The following LRRC37A2 variants were observed in gnomAD, a reference collection of about 807,000 sequenced individuals.
LRRC37A2 encodes the protein leucine-rich repeat-containing protein 37A2.
Under a neutral mutation model 68.8 loss-of-function variants are expected in LRRC37A2, and 9 were observed. The ratio of observed to expected loss-of-function variants is 0.13; its 90% CI spans 0.08 to 0.23. The LOEUF (loss-of-function observed/expected upper bound fraction) is 0.23, where lower values mean the gene tolerates loss of function less well. Among genes scored for constraint, LRRC37A2 ranks in the 10% least tolerant of loss-of-function variants. The pLI, the probability that LRRC37A2 is intolerant of heterozygous loss-of-function variation, is 1.00. For synonymous variants in LRRC37A2, 63 were observed against 367.6 expected, an observed-to-expected ratio of 0.17 and a Z score of 9.48; for missense variants, 168 against 950.4, an observed-to-expected ratio of 0.18 and a Z score of 10.82.
chr17:46,558,352 G>A (rs1264098439), downstream of LRRC37A2, among the ~76,000 whole-genome samples: 1 of 109,460 alleles, frequency 9.1e-6, no homozygotes, highest in East Asian at 3.5e-4. Context: ...GAGCTACCGC[G>A]CCTGGCTTGT....
At chr17:46,774,358 G>A in the LRRC37A2 span, among the ~76,000 whole-genome samples, 36 of 152,324 alleles carry the variant, frequency 2.4e-4, no homozygotes, top group Non-Finnish European at 4.0e-4. Flanking sequence ...ACACGCGCGC[G>A]CGCGCACACA....
chr17:47,008,630 T>G, the LRRC37A2 span, among the ~76,000 whole-genome samples: 5,663 of 151,794 alleles, frequency 0.037, 113 homozygotes, highest in Middle Eastern at 0.086. Context: ...CTAGTTTTTT[T>G]TTTTGTTTTG....
At chr17:46,697,293 C>T in the LRRC37A2 span, among the ~76,000 whole-genome samples, 1 of 134,690 alleles carries the variant, frequency 7.4e-6, no homozygotes, top group Non-Finnish European at 1.6e-5. Context: ...TCACTGCAAC[C>T]TCTGCCTCCT....
chr17:46,885,225 C>T, the LRRC37A2 span: 3 of 302,998 alleles, frequency 9.9e-6, no homozygotes, highest in African/African-American at 2.3e-5. Context: ...AGGCTGGTCT[C>T]GAACTCCCGA....
intron 6 of LRRC37A2, among the ~76,000 whole-genome samples, chr17:46,534,247 G>T (rs1367141976): frequency 2.1e-5 from 3 of 145,622 alleles, no homozygotes; most frequent in Middle Eastern, 3.2e-3. Context: ...TCTCGCAGAG[G>T]GGGATTTGGC....
chr17:46,978,521 C>T, the LRRC37A2 span: 6 of 1,223,152 alleles, frequency 4.9e-6, no homozygotes, highest in Middle Eastern at 2.7e-4. Context: ...CGTCCCCGCC[C>T]GGGCGCCCCA....
At chr17:46,887,448 A>G in the LRRC37A2 span, among the ~76,000 whole-genome samples, 5 of 151,996 alleles carry the variant, frequency 3.3e-5, no homozygotes, top group Middle Eastern at 0.014. Context: ...AAAAATCTCT[A>G]TATAGATATC....
the LRRC37A2 span, among the ~76,000 whole-genome samples, chr17:46,904,259 G>T: frequency 0.011 from 1,650 of 151,088 alleles, 39 homozygotes; most frequent in African/African-American, 0.038. Context: ...TGGGTAGGTG[G>T]GTGGATGGAT....
At chr17:46,902,635 T>A in the LRRC37A2 span, among the ~76,000 whole-genome samples, 1 of 151,816 alleles carries the variant, frequency 6.6e-6, no homozygotes, top group South Asian at 2.1e-4. Context: ...TGGGTGGGGG[T>A]TGCTGAGAAA....
At chr17:46,842,942 G>A in the LRRC37A2 span, among the ~76,000 whole-genome samples, 1 of 152,226 alleles carries the variant, frequency 6.6e-6, no homozygotes, top group East Asian at 1.9e-4. Flanking sequence ...TGAAGAAACC[G>A]AGGTCGCAGA....
At chr17:47,009,839 C>T in the LRRC37A2 span, among the ~76,000 whole-genome samples, 1 of 152,210 alleles carries the variant, frequency 6.6e-6, no homozygotes, top group African/African-American at 2.4e-5. Context: ...CGCGCTGTTT[C>T]GGAGGGAAGA....
chr17:46,499,311 CAAAAAA>C, the LRRC37A2 span, among the ~76,000 whole-genome samples: 3 of 60,544 alleles, frequency 5.0e-5, no homozygotes, highest in South Asian at 5.3e-4. Context: ...GACTCCAGCT[CAAAAAA>C]AAAAAAAAAA....
chr17:46,773,926 G>T, the LRRC37A2 span: 12 of 1,609,380 alleles, frequency 7.5e-6, no homozygotes, highest in African/African-American at 1.5e-4. Context: ...GCAGACAGAG[G>T]GTAGTAACAC....
the LRRC37A2 span, among the ~76,000 whole-genome samples, chr17:46,969,980 A>C: frequency 0.02 from 3,071 of 152,294 alleles, 87 homozygotes; most frequent in Admixed American, 0.072. Context: ...CTGTGCAAGC[A>C]GACACCGGGG....
chr17:46,661,726 C>CATG, the LRRC37A2 span, among the ~76,000 whole-genome samples: 4 of 18,952 alleles, frequency 2.1e-4, no homozygotes, highest in Non-Finnish European at 3.7e-4. Flanking sequence ...ACTACAGGCG[C>CATG]CCGCCACTAT....
chr17:46,830,328 T>G, the LRRC37A2 span, among the ~76,000 whole-genome samples: 1,145 of 152,344 alleles, frequency 7.5e-3, 14 homozygotes, highest in African/African-American at 0.025. Flanking sequence ...CACGGCTTAC[T>G]GCAGCCTCGA....
At chr17:46,403,795 C>T in the LRRC37A2 span, among the ~76,000 whole-genome samples, 1 of 82,220 alleles carries the variant, frequency 1.2e-5, no homozygotes, top group Non-Finnish European at 2.8e-5. Context: ...GCCTCCCGGG[C>T]TCACGCCTTT....
At chr17:46,796,369 A>AACCCC in the LRRC37A2 span, among the ~76,000 whole-genome samples, 1 of 152,212 alleles carries the variant, frequency 6.6e-6, no homozygotes, top group East Asian at 1.9e-4. Context: ...GCCGCATATT[A>AACCCC]ACCCCATAAT....
chr17:46,455,644 ACAAAC>A, the LRRC37A2 span, among the ~76,000 whole-genome samples: 1 of 123,668 alleles, frequency 8.1e-6, no homozygotes, highest in African/African-American at 2.9e-5. Context: ...TCAGATAAGG[ACAAAC>A]CATTTTCCAT....
Sources: allele counts gnomAD v4.1 joint callset (sites outside exome capture counted in the v4.1 genomes callset), GRCh38; gene constraint gnomAD v4.1.1; transcripts MANE v1.5; gene names NCBI Gene and HGNC (gene_info 2026-07-23, HGNC 2026-07-21).